ACSL3: variants seen among roughly 807,000 people sequenced by gnomAD.
ACSL3 encodes acyl-CoA synthetase long chain family member 3, also known as fatty acid CoA ligase Acsl3.
Under a neutral mutation model 84.7 loss-of-function variants are expected in ACSL3, and 34 were observed. That is an observed-to-expected ratio of 0.40 (90% CI 0.31 to 0.53). The LOEUF (loss-of-function observed/expected upper bound fraction) is 0.53. ACSL3 is among the 20% of genes least tolerant of loss of function. The pLI is 0.48. For synonymous variants in ACSL3, 315 were observed against 299.4 expected (o/e 1.05, Z -0.54); for missense variants, 680 against 873.1 (o/e 0.78, Z 2.79).
At chr2:222,904,517 A>G (rs1319444984) in intron 3 of ACSL3, 2 of 152,396 alleles carry the variant, frequency 1.3e-5, no homozygotes, top group East Asian at 1.9e-4. Context: ...AGCATAGGTC[A>G]TAGTGGACAC....
intron 8 of ACSL3, 148 bp from the exon 9 acceptor site, chr2:222,922,560 C>CTCTG (rs1696768900): frequency 1.1e-6 from 1 of 938,156 alleles, no homozygotes; most frequent in Non-Finnish European, 1.6e-6. Context: ...ACCTGTCTCT[C>CTCTG]TCTCTCTCTC....
At chr2:222,924,885 G>A (rs1184225465) in intron 11 of ACSL3, among the ~76,000 whole-genome samples, 1 of 152,082 alleles carries the variant, frequency 6.6e-6, no homozygotes, top group Non-Finnish European at 1.5e-5. Context: ...AATTAGCGGG[G>A]CTTGGTGGCG....
At chr2:222,917,027 T>G (rs917475991) in intron 5 of ACSL3, among the ~76,000 whole-genome samples, 2 of 152,204 alleles carry the variant, frequency 1.3e-5, no homozygotes, top group East Asian at 3.8e-4. Context: ...ATGTTTAGTC[T>G]CATCCTTCAG....
At chr2:222,929,195 C>G (rs372620959) in intron 13 of ACSL3, among the ~76,000 whole-genome samples, 1 of 152,216 alleles carries the variant, frequency 6.6e-6, no homozygotes, top group East Asian at 1.9e-4. Flanking sequence ...GAGAAATGTA[C>G]TAATAAGTGA....
At chr2:222,873,228 AAT>A (rs1411525870) in intron 1 of ACSL3, among the ~76,000 whole-genome samples, 1 of 152,198 alleles carries the variant, frequency 6.6e-6, no homozygotes, top group East Asian at 1.9e-4. Context: ...AACATCTATA[AAT>A]ATATATAACA....
intron 2 of ACSL3, among the ~76,000 whole-genome samples, chr2:222,893,011 G>A (rs1481333589): frequency 2.6e-5 from 4 of 152,090 alleles, no homozygotes; most frequent in African/African-American, 9.7e-5. Context: ...GAGATAAAAT[G>A]CTAAGCCATA....
chr2:222,938,226 A>G (rs189672042), intron 16 of ACSL3, among the ~76,000 whole-genome samples: 3 of 152,044 alleles, frequency 2.0e-5, no homozygotes, highest in Non-Finnish European at 4.4e-5. Context: ...AGAATTCTGT[A>G]TTTGCCTATG....
chr2:222,923,054 G>A (rs1254487311), intron 9 of ACSL3, 24 bp from the exon 10 acceptor site: 3 of 1,574,680 alleles, frequency 1.9e-6, no homozygotes, highest in African/African-American at 2.7e-5. Flanking sequence ...CACTTTATAT[G>A]GATCACTTTT....
intron 3 of ACSL3, among the ~76,000 whole-genome samples, chr2:222,907,747 T>G (rs1696329609): frequency 7.4e-6 from 1 of 135,504 alleles, no homozygotes; most frequent in Non-Finnish European, 1.6e-5. Flanking sequence ...CTGGGTGAGA[T>G]CCTGTCTTTA....
intron 1 of ACSL3, chr2:222,861,803 G>C (rs2106074843): frequency 6.6e-6 from 1 of 152,454 alleles, no homozygotes; most frequent in East Asian, 1.9e-4. Context: ...GGTGGGACTG[G>C]GATTAAGACT....
intron 12 of ACSL3, 78 bp from the exon 13 acceptor site, chr2:222,928,784 C>T (rs1352436368): frequency 4.2e-6 from 5 of 1,194,586 alleles, no homozygotes; most frequent in Non-Finnish European, 6.2e-6. Flanking sequence ...GATAAATAAT[C>T]ATTTTTGGTA....
intron 12 of ACSL3, among the ~76,000 whole-genome samples, 162 bp from the exon 13 acceptor site, chr2:222,928,700 A>G (rs1025925114): frequency 2.0e-5 from 3 of 152,082 alleles, no homozygotes; most frequent in Admixed American, 2.0e-4. Context: ...ACGACTCTAC[A>G]GGCCTCACGG....
intron 12 of ACSL3, among the ~76,000 whole-genome samples, chr2:222,927,831 A>G (rs766685911): frequency 1.3e-5 from 2 of 152,154 alleles, no homozygotes; most frequent in Non-Finnish European, 2.9e-5. Flanking sequence ...ACAAAACCTC[A>G]TGACTGATTT....
chr2:222,864,059 A>G (rs1332916490), intron 1 of ACSL3, among the ~76,000 whole-genome samples: 1 of 152,120 alleles, frequency 6.6e-6, no homozygotes, highest in African/African-American at 2.4e-5. Context: ...GAAAATGGAG[A>G]TAAAAAATTG....
intron 16 of ACSL3, among the ~76,000 whole-genome samples, chr2:222,938,087 T>C (rs1235021496): frequency 2.0e-5 from 3 of 152,122 alleles, no homozygotes; most frequent in Non-Finnish European, 1.5e-5. Context: ...GTAACTCTGC[T>C]CCTCCCTCAA....
intron 1 of ACSL3, among the ~76,000 whole-genome samples, chr2:222,870,539 T>C (rs1695273124): frequency 6.6e-6 from 1 of 152,128 alleles, no homozygotes; most frequent in Admixed American, 6.5e-5. Context: ...AGCGGATGGG[T>C]AGAGAAGTTC....
chr2:222,887,088 C>G (rs939713455), intron 1 of ACSL3, among the ~76,000 whole-genome samples: 1 of 152,262 alleles, frequency 6.6e-6, no homozygotes, highest in Non-Finnish European at 1.5e-5. Flanking sequence ...TCATCCTCCT[C>G]TGTGCTCTAA....
intron 11 of ACSL3, among the ~76,000 whole-genome samples, chr2:222,926,688 A>G (rs758563939): frequency 1.6e-4 from 24 of 152,316 alleles, no homozygotes; most frequent in Admixed American, 5.9e-4. Context: ...ATTGTTCAGT[A>G]TTAATATATG....
At chr2:222,916,644 T>A in intron 5 of ACSL3, 148 bp downstream of exon 5, 4 of 875,902 alleles carry the variant, frequency 4.6e-6, no homozygotes, top group Non-Finnish European at 6.5e-6. Context: ...ATTTTTGGTT[T>A]ATTTTGGAAA....
Sources: allele counts gnomAD v4.1 joint callset (sites outside exome capture counted in the v4.1 genomes callset), GRCh38; gene constraint gnomAD v4.1.1; transcripts MANE v1.5; gene names NCBI Gene and HGNC (gene_info 2026-07-23, HGNC 2026-07-21).